The following SLC45A4 variants were observed in gnomAD, a reference collection of about 807,000 sequenced individuals.
SLC45A4 encodes polyamine-transporter SLC45A4.
Under a neutral mutation model 63.7 loss-of-function variants are expected in SLC45A4, and 32 were observed. The observed-to-expected ratio is 0.50, with a 90% CI of 0.38 to 0.67. The LOEUF is 0.67. Ranked by LOEUF, SLC45A4 falls within the 30% of genes least tolerant of loss-of-function variation. SLC45A4 has a pLI of 0.00. For missense variants in SLC45A4, 1,027 were observed against 1,157.7 expected (o/e 0.89, Z 1.64); for synonymous variants, 535 against 510.0 (o/e 1.05, Z -0.66).
chr8:141,263,816 A>G (rs1462518192), intron 1 of SLC45A4, among the ~76,000 whole-genome samples: 1 of 151,758 alleles, frequency 6.6e-6, no homozygotes, highest in South Asian at 2.1e-4. Flanking sequence ...AAGAGAGAGA[A>G]AGAAAGAAAA....
At chr8:141,236,451 C>T (rs11782904) in intron 2 of SLC45A4, among the ~76,000 whole-genome samples, 12,704 of 152,290 alleles carry the variant, frequency 0.083, 650 homozygotes, top group East Asian at 0.23. Flanking sequence ...AAATAGTTCA[C>T]AAGCTAGAAA....
Position 141,211,373 on chromosome 8 carries a change from C to T in SLC45A4, c.*199G>A. 1 of 1,486,950 alleles carries T rather than the reference C, an allele frequency of 6.7e-7. No homozygotes were observed. Among genetic ancestry groups the T allele is most frequent in the South Asian group, 1.4e-5 (1 of 70,856 alleles). 92.1% of individuals were successfully genotyped at this position (1,486,950 alleles called of 1,614,324 possible). A position where few individuals can be genotyped will look rare whatever the true frequency, so the allele number is the denominator to read the frequency against. On this transcript the variant is annotated 3_prime_UTR_variant, in exon 9 of 9. Transcript: ENST00000517878. ...CGCGCACGCAGGAGCTCGTCTGGAG[C>T]TCACGCTCCGCCCCCAGGTGGTGCC... is the stretch of plus-strand genomic sequence containing the variant.
rs1456415592 is a variant in SLC45A4, at chr8:141,253,996, C to T, written c.234G>A (p.Leu78=). 3 of 1,536,026 alleles carry T rather than the reference C, an allele frequency of 2.0e-6. No homozygotes were observed. The Admixed American group carries it at 5.9e-5, about 30-fold the overall frequency. ...GACGGGGAGGAGACTTACCAATCTGCAACAGTATTGGTGTGACCAGAGCGG... is the reference window on the plus strand; with the variant it reads ...GACGGGGAGGAGACTTACCAATCTGTAACAGTATTGGTGTGACCAGAGCGG... ...METALVTPIL[L]QIGLPEQYYS... Residue 78 remains leucine (L), a synonymous_variant, in exon 2 of 9, where the codon TTG becomes TTA. Transcript: ENST00000517878.
chr8:141,258,059 CCT>C (rs1029750608), intron 1 of SLC45A4, among the ~76,000 whole-genome samples: 3 of 114,762 alleles, frequency 2.6e-5, no homozygotes, highest in South Asian at 3.0e-4. Context: ...GTTTCTTCTT[CCT>C]TTTTTTTTTT....
At chr8:141,230,132 C>T (rs987123464) in intron 2 of SLC45A4, 5 of 456,156 alleles carry the variant, frequency 1.1e-5, no homozygotes, top group Middle Eastern at 3.3e-4. Context: ...TTCCACAACA[C>T]AGCCGGCCCG....
intron 2 of SLC45A4, chr8:141,230,223 A>G (rs538205931): frequency 5.1e-4 from 221 of 432,710 alleles, no homozygotes; most frequent in Admixed American, 8.6e-4. Context: ...CTCAAATAAG[A>G]CCCACTGTGG....
chr8:141,306,908 T>C (rs773249175), intron 1 of SLC45A4, among the ~76,000 whole-genome samples: 3 of 152,296 alleles, frequency 2.0e-5, no homozygotes, highest in Non-Finnish European at 2.9e-5. Flanking sequence ...CTCCGGGTCA[T>C]AGACTGGAAA....
At chr8:141,288,934 T>C (rs538322807) in intron 1 of SLC45A4, among the ~76,000 whole-genome samples, 11 of 152,328 alleles carry the variant, frequency 7.2e-5, no homozygotes, top group African/African-American at 2.4e-4. Flanking sequence ...CAGTCTGGAC[T>C]GCAGTCAGAG....
chr8:141,250,804 C>G (rs771914285), intron 2 of SLC45A4, among the ~76,000 whole-genome samples: 4 of 152,118 alleles, frequency 2.6e-5, no homozygotes, highest in Non-Finnish European at 4.4e-5. Flanking sequence ...GGGACATACC[C>G]CCGTTGCAAG....
At position 141,285,154 on chromosome 8, in the gene SLC45A4, G is replaced by A. The variant is rs1830091003; in HGVS notation, c.-401+22942C>T. Among the ~76,000 whole-genome samples the A allele has an allele frequency of 2.6e-5, 4 of 152,336 alleles. No homozygotes were observed. The East Asian group carries it at 7.7e-4, about 29-fold the overall frequency. Reference sequence around the variant, plus strand: ...GGGATCCAGCACGGACTGAGGGCGGGTGAAACGCCAGCTCCTGCCTTCAGC... The same window carrying A: ...GGGATCCAGCACGGACTGAGGGCGGATGAAACGCCAGCTCCTGCCTTCAGC... On this transcript the variant is annotated intron_variant, in intron 1 of 8. Transcript: ENST00000517878.
chr8:141,246,024 G>C (rs1453044278), intron 2 of SLC45A4, among the ~76,000 whole-genome samples: 1 of 152,142 alleles, frequency 6.6e-6, no homozygotes, highest in East Asian at 1.9e-4. Context: ...GTTTTCTTTG[G>C]GGAAGAGAGA....
intron 2 of SLC45A4, among the ~76,000 whole-genome samples, chr8:141,238,541 C>A (rs939813930): frequency 2.0e-5 from 3 of 152,202 alleles, no homozygotes; most frequent in African/African-American, 7.2e-5. Flanking sequence ...ACCTCCAGGG[C>A]CCTCCTATGA....
At position 141,247,524 on chromosome 8, in the gene SLC45A4, G is replaced by GATA. The variant is rs563289464; in HGVS notation, c.241+6462_241+6464dup. ...ATCCAGCAGGCTTTTTGTAGAAATT[G>GATA]ATAACTCTAAAATTTATATGGAGAT... On this transcript the variant is annotated intron_variant, in intron 2 of 8. Transcript: ENST00000517878. Among the ~76,000 whole-genome samples the GATA allele has an allele frequency of 3.1e-3, 469 of 152,294 alleles. 3 individuals are homozygous for GATA. The highest frequency in any genetic ancestry group is 0.011 in the African/African-American group (463 of 41,558).
At chr8:141,245,042 T>A (rs1828115723) in intron 2 of SLC45A4, among the ~76,000 whole-genome samples, 1 of 150,692 alleles carries the variant, frequency 6.6e-6, no homozygotes. Flanking sequence ...TGAGTGACTT[T>A]TCCACAGTAA....
At chr8:141,264,439 C>G (rs1368083567) in intron 1 of SLC45A4, among the ~76,000 whole-genome samples, 1 of 152,204 alleles carries the variant, frequency 6.6e-6, no homozygotes, top group Non-Finnish European at 1.5e-5. Context: ...CGGGACATCT[C>G]GACCTCTGCT....
At chr8:141,296,252 A>G (rs937424076) in intron 1 of SLC45A4, among the ~76,000 whole-genome samples, 1 of 151,698 alleles carries the variant, frequency 6.6e-6, no homozygotes, top group Non-Finnish European at 1.5e-5. Flanking sequence ...AATCGCTTCA[A>G]TCCAGGAGGC....
intron 2 of SLC45A4, chr8:141,228,225 C>A: frequency 1.2e-6 from 2 of 1,614,110 alleles, no homozygotes; most frequent in South Asian, 1.1e-5. Context: ...TCACAAGGGT[C>A]TTTGGACGGG....
At position 141,208,831 on chromosome 8, in the gene SLC45A4, G is replaced by C. The variant is rs1258426125; in HGVS notation, c.*2741C>G. ...TGGAAACTTCTGCCATGTGTTAAGG[G>C]GAAGCTCGTTAAAAGAGTCTTTACT... On this transcript the variant is annotated 3_prime_UTR_variant, in exon 9 of 9. Coordinates refer to ENST00000517878, the MANE Select transcript of SLC45A4 (RefSeq NM_001286646.2). 2.0e-5 allele frequency: 3 copies of C among 152,262 alleles called. No homozygotes were observed. Among genetic ancestry groups the C allele is most frequent in the Non-Finnish European group, 4.4e-5 (3 of 68,082 alleles). The allele number at this position is 152,262 out of a possible 1,614,324, so 9.4% of individuals were successfully genotyped here.
intron 1 of SLC45A4, among the ~76,000 whole-genome samples, chr8:141,265,238 G>A (rs1829217472): frequency 6.6e-6 from 1 of 152,220 alleles, no homozygotes; most frequent in African/African-American, 2.4e-5. Context: ...GCTGGGACTG[G>A]AACAAGGGCC....
Sources: gnomAD v4.1 joint callset for allele counts (sites outside exome capture counted in the v4.1 genomes callset) on GRCh38, gnomAD v4.1.1 for gene constraint, MANE v1.5 for transcripts, NCBI Gene and HGNC (gene_info 2026-07-23, HGNC 2026-07-21) for gene names.